STXBP6: variants seen among roughly 807,000 people sequenced by gnomAD.
The protein encoded by STXBP6 is syntaxin-binding protein 6.
STXBP6 carries 21 observed loss-of-function variants against 26.9 expected under a neutral mutation model. That is an observed-to-expected ratio of 0.78 (90% confidence interval 0.55 to 1.12). The LOEUF (loss-of-function observed/expected upper bound fraction) is 1.12, where lower values mean the gene tolerates loss of function less well. Among genes scored for constraint, STXBP6 ranks in the 50% most tolerant of loss-of-function variants. STXBP6 has a pLI of 0.00. For synonymous variants in STXBP6, 97 were observed against 92.6 expected, an observed-to-expected ratio of 1.05 and a Z score of -0.27; for missense variants, 232 against 257.9, an observed-to-expected ratio of 0.90 and a Z score of 0.69.
At position 24,810,266 on chromosome 14, in the gene STXBP6, A is replaced by C. The variant is rs955048214; in HGVS notation, c.*2443T>G. On this transcript the variant is annotated 3_prime_UTR_variant, in exon 6 of 6. Transcript: ENST00000323944. ...TGACAAGCTCAACCAAACTGGTCCC[A>C]AATCATGACAGTTATTTTGTCTAAG... is the stretch of plus-strand genomic sequence containing the variant. 9 of 152,368 alleles carry C rather than the reference A, an allele frequency of 5.9e-5. No homozygotes were observed. The highest frequency in any genetic ancestry group is 1.9e-4 in the African/African-American group (8 of 41,584). The allele number at this position is 152,368 out of a possible 1,614,324, so 9.4% of individuals were successfully genotyped here. A position where few individuals can be genotyped will look rare whatever the true frequency, so the allele number is the denominator to read the frequency against.
intron 2 of STXBP6, among the ~76,000 whole-genome samples, chr14:24,959,900 C>G (rs558337890): frequency 6.6e-6 from 1 of 152,314 alleles, no homozygotes; most frequent in South Asian, 2.1e-4. Flanking sequence ...TAGAACTAAA[C>G]AAACCAGGCC....
chr14:25,018,042 C>G (rs185410121), intron 1 of STXBP6, among the ~76,000 whole-genome samples: 20 of 152,306 alleles, frequency 1.3e-4, no homozygotes, highest in Non-Finnish European at 2.4e-4. Flanking sequence ...ACACACCATA[C>G]ACTGCCCCCC....
At chr14:24,866,315 G>A (rs981329850) in intron 2 of STXBP6, among the ~76,000 whole-genome samples, 1 of 152,108 alleles carries the variant, frequency 6.6e-6, no homozygotes, top group Non-Finnish European at 1.5e-5. Context: ...CCATGATCAT[G>A]TGAGCCAATT....
At chr14:24,888,680 G>A (rs186345393) in intron 2 of STXBP6, among the ~76,000 whole-genome samples, 301 of 150,364 alleles carry the variant, frequency 2.0e-3, no homozygotes, top group Non-Finnish European at 3.6e-3. Context: ...CTGAGATTGC[G>A]TCACTGTACT....
chr14:24,907,982 G>A lies in STXBP6; in HGVS notation c.155-50825C>T, dbSNP rs12880456. ...AAGGAACCCCAAATCTGTATCTCAC[G>A]CCCACAGCAACTCCCTGAGTTCCAG... On this transcript the variant is annotated intron_variant, in intron 2 of 5. Coordinates refer to ENST00000323944, the MANE Select transcript of STXBP6 (RefSeq NM_001394410.1). Among the ~76,000 whole-genome samples the A allele has an allele frequency of 3.3e-5, 5 of 151,772 alleles. No individual in the cohort carries two copies. The South Asian group carries it at 6.3e-4, about 19-fold the overall frequency.
At chr14:25,008,426 G>C (rs11848412) in intron 1 of STXBP6, among the ~76,000 whole-genome samples, 5,113 of 152,228 alleles carry the variant, frequency 0.034, 275 homozygotes, top group African/African-American at 0.12. Context: ...CGAGGCTGTA[G>C]TGAGCCATGA....
chr14:24,963,376 C>T (rs1213555653), intron 2 of STXBP6, among the ~76,000 whole-genome samples: 6 of 152,136 alleles, frequency 3.9e-5, no homozygotes, highest in Non-Finnish European at 8.8e-5. Context: ...AGCCATTTGC[C>T]GAGACCCTAT....
chr14:24,980,263 G>A (rs996235136), intron 1 of STXBP6, among the ~76,000 whole-genome samples: 2 of 152,172 alleles, frequency 1.3e-5, no homozygotes, highest in African/African-American at 2.4e-5. Context: ...AGATCAAGGA[G>A]ATAATATGAG....
intron 1 of STXBP6, among the ~76,000 whole-genome samples, chr14:25,011,765 G>GA (rs375040138): frequency 9.2e-5 from 14 of 151,924 alleles, no homozygotes; most frequent in African/African-American, 2.9e-4. Context: ...ACTACAGGAT[G>GA]AAAAAAAAGT....
At chr14:24,868,005 TG>T (rs1261354562) in intron 2 of STXBP6, among the ~76,000 whole-genome samples, 1 of 152,160 alleles carries the variant, frequency 6.6e-6, no homozygotes, top group Non-Finnish European at 1.5e-5. Context: ...GAGACCAGCC[TG>T]GGCAACATGG....
intron 1 of STXBP6, among the ~76,000 whole-genome samples, chr14:24,993,432 C>T (rs1051944724): frequency 1.3e-5 from 2 of 152,196 alleles, no homozygotes; most frequent in Admixed American, 1.3e-4. Flanking sequence ...CATCTACCCG[C>T]TTCTCTTTCT....
chr14:24,880,105 ATCTG>A (rs890428354), intron 2 of STXBP6, among the ~76,000 whole-genome samples: 7 of 152,192 alleles, frequency 4.6e-5, no homozygotes, highest in African/African-American at 1.7e-4. Flanking sequence ...CTGAACTGGC[ATCTG>A]TCTTCTCTCC....
At chr14:24,818,519 C>CA (rs2068045074) in intron 5 of STXBP6, among the ~76,000 whole-genome samples, 1 of 152,128 alleles carries the variant, frequency 6.6e-6, no homozygotes, top group Non-Finnish European at 1.5e-5. Context: ...ACAATCGACC[C>CA]CTCTCCGAGG....
intron 2 of STXBP6, among the ~76,000 whole-genome samples, chr14:24,935,157 A>G (rs1342171494): frequency 6.6e-6 from 1 of 152,180 alleles, no homozygotes; most frequent in African/African-American, 2.4e-5. Flanking sequence ...TTTAGTAAAT[A>G]TGAAAAAGCA....
At chr14:24,962,270 G>C (rs984284192) in intron 2 of STXBP6, among the ~76,000 whole-genome samples, 1 of 151,388 alleles carries the variant, frequency 6.6e-6, no homozygotes, top group African/African-American at 2.4e-5. Context: ...GTTGTTAAGC[G>C]CACAAAGTAC....
chr14:24,912,522 C>T (rs1008831844), intron 2 of STXBP6, among the ~76,000 whole-genome samples: 4 of 150,486 alleles, frequency 2.7e-5, no homozygotes, highest in South Asian at 2.1e-4. Context: ...AATTTAACAA[C>T]GTATAGGAAT....
At chr14:24,878,844 A>G (rs986014327) in intron 2 of STXBP6, 8 of 444,396 alleles carry the variant, frequency 1.8e-5, no homozygotes, top group African/African-American at 1.6e-4. Context: ...CAACAATGCA[A>G]ATTAACAGGG....
chr14:24,812,906 C>A (rs1302733897), intron 5 of STXBP6, among the ~76,000 whole-genome samples, 174 bp from the exon 6 acceptor site: 1 of 152,216 alleles, frequency 6.6e-6, no homozygotes, highest in Non-Finnish European at 1.5e-5. Context: ...GCAACATTTT[C>A]TCAAATAGCT....
intron 4 of STXBP6, among the ~76,000 whole-genome samples, chr14:24,845,193 T>C (rs1183584713): frequency 6.6e-6 from 1 of 152,006 alleles, no homozygotes; most frequent in Non-Finnish European, 1.5e-5. Flanking sequence ...TTTGTACTTT[T>C]AATAGAGATG....
Sources: allele counts gnomAD v4.1 joint callset (sites outside exome capture counted in the v4.1 genomes callset), GRCh38; gene constraint gnomAD v4.1.1; transcripts MANE v1.5; gene names NCBI Gene and HGNC (gene_info 2026-07-23, HGNC 2026-07-21).